TMEM278: variants seen among roughly 807,000 people sequenced by gnomAD.
TMEM278 encodes the protein transmembrane protein 278.
chr1:1,427,813 G>A, the TMEM278 span: 2 of 1,375,648 alleles, frequency 1.5e-6, no homozygotes, highest in Non-Finnish European at 9.4e-7. Context: ...GAAACCCCGG[G>A]AGGCCTCCGA....
At chr1:1,426,182 G>T in the TMEM278 span, 1 of 1,417,888 alleles carries the variant, frequency 7.1e-7, no homozygotes. Context: ...TGGTGCTTCC[G>T]ACACAGCGCC....
At chr1:1,427,107 G>T in the TMEM278 span, among the ~76,000 whole-genome samples, 1 of 108,784 alleles carries the variant, frequency 9.2e-6, no homozygotes, top group African/African-American at 3.4e-5. Context: ...TGCTCAGCCC[G>T]CCACGGCCCC....
the TMEM278 span, chr1:1,427,442 T>TCCCCTTCCCCTGCATCACCCTGCCCTG: frequency 2.3e-3 from 113 of 49,488 alleles, 2 homozygotes; most frequent in Middle Eastern, 0.01. Context: ...TCTCCACCCC[T>TCCCCTTCCCCTGCATCACCCTGCCCTG]CCCCTTCCCC....
the TMEM278 span, among the ~76,000 whole-genome samples, chr1:1,425,888 C>T: frequency 6.6e-6 from 1 of 152,110 alleles, no homozygotes; most frequent in African/African-American, 2.4e-5. Context: ...CAGGAGCTGG[C>T]TGGGGCTGGA....
At chr1:1,428,913 T>G in the TMEM278 span, among the ~76,000 whole-genome samples, 1 of 146,678 alleles carries the variant, frequency 6.8e-6, no homozygotes, top group African/African-American at 2.6e-5. Context: ...GGCAGGAGAA[T>G]GGCGTGAACC....
the TMEM278 span, among the ~76,000 whole-genome samples, chr1:1,429,829 C>T: frequency 6.6e-6 from 1 of 152,216 alleles, no homozygotes; most frequent in African/African-American, 2.4e-5. Context: ...TTCCCAACCA[C>T]TTCCCTTCAT....
At chr1:1,427,802 C>A in the TMEM278 span, 1 of 1,379,234 alleles carries the variant, frequency 7.3e-7, no homozygotes, top group Non-Finnish European at 9.4e-7. Flanking sequence ...GCGGCCGCTG[C>A]GAAACCCCGG....
At chr1:1,425,989 T>C in the TMEM278 span, 1 of 1,244,950 alleles carries the variant, frequency 8.0e-7, no homozygotes, top group Non-Finnish European at 1.0e-6. Context: ...AGGACCTCCC[T>C]AGCCAGGGTC....
the TMEM278 span, among the ~76,000 whole-genome samples, chr1:1,427,968 G>A: frequency 7.0e-6 from 1 of 143,612 alleles, no homozygotes. Context: ...GGAGGGCAGG[G>A]GAGGGGAAGA....
chr1:1,427,855 C>G, the TMEM278 span: 12 of 1,301,904 alleles, frequency 9.2e-6, no homozygotes, highest in Non-Finnish European at 1.2e-5. Context: ...GTGGCCCGGC[C>G]CGGAAAACTG....
At chr1:1,426,647 G>A in the TMEM278 span, among the ~76,000 whole-genome samples, 3 of 152,090 alleles carry the variant, frequency 2.0e-5, no homozygotes, top group African/African-American at 7.2e-5. Context: ...CTGGACAGCT[G>A]GGTGGGGGTG....
chr1:1,426,480 C>T, the TMEM278 span: 5 of 1,083,646 alleles, frequency 4.6e-6, no homozygotes, highest in South Asian at 9.6e-5. Context: ...CCAGAATTGC[C>T]CCTTGTCCTC....
the TMEM278 span, chr1:1,426,156 A>G: frequency 4.2e-6 from 6 of 1,412,468 alleles, no homozygotes; most frequent in African/African-American, 9.1e-5. Context: ...GAGACGGAGG[A>G]GGAGGAGGGG....
At chr1:1,427,766 G>A in the TMEM278 span, 2 of 1,340,906 alleles carry the variant, frequency 1.5e-6, no homozygotes, top group Admixed American at 3.5e-5. Flanking sequence ...ACGAGGACGA[G>A]CAACTCTGCG....
chr1:1,427,658 C>A, the TMEM278 span: 5 of 1,340,314 alleles, frequency 3.7e-6, no homozygotes, highest in Non-Finnish European at 4.8e-6. Flanking sequence ...TGCTGGTGCT[C>A]GCCTCGGCCG....
At chr1:1,425,871 A>G in the TMEM278 span, among the ~76,000 whole-genome samples, 1 of 152,146 alleles carries the variant, frequency 6.6e-6, no homozygotes, top group Non-Finnish European at 1.5e-5. Context: ...AGGCCTGCCC[A>G]GAGCACCAGG....
the TMEM278 span, among the ~76,000 whole-genome samples, chr1:1,428,816 C>T: frequency 6.6e-5 from 10 of 152,156 alleles, no homozygotes; most frequent in South Asian, 2.1e-4. Context: ...CTGGCTAACA[C>T]GGTGAAACCC....
chr1:1,426,418 T>C, the TMEM278 span: 1 of 1,337,266 alleles, frequency 7.5e-7, no homozygotes. Context: ...GGGGACTAGC[T>C]GGGGTCCTGG....
chr1:1,428,491 G>C, the TMEM278 span, among the ~76,000 whole-genome samples: 4 of 152,048 alleles, frequency 2.6e-5, no homozygotes, highest in African/African-American at 9.7e-5. Context: ...GGTCTCACCA[G>C]CGCGTCCTAG....
Sources: gnomAD v4.1 joint callset for allele counts (sites outside exome capture counted in the v4.1 genomes callset) on GRCh38, gnomAD v4.1.1 for gene constraint, MANE v1.5 for transcripts, NCBI Gene and HGNC (gene_info 2026-07-23, HGNC 2026-07-21) for gene names.